CDKL5: variants seen among roughly 807,000 people sequenced by gnomAD.
CDKL5 encodes cyclin dependent kinase like 5, also known as cyclin-dependent kinase-like 5.
In CDKL5, 8 loss-of-function variants were observed where a neutral mutation model predicts 61.7. That is an observed-to-expected ratio of 0.13 (90% CI 0.08 to 0.23). CDKL5 has a LOEUF of 0.23. Among genes scored for constraint, CDKL5 ranks in the 10% least tolerant of loss-of-function variants. The pLI, the probability that CDKL5 is intolerant of heterozygous loss-of-function variation, is 1.00. For missense variants in CDKL5, 440 were observed against 734.5 expected (o/e 0.60, Z 4.63); for synonymous variants, 275 against 272.3 (o/e 1.01, Z -0.10).
intron 3 of CDKL5, among the ~76,000 whole-genome samples, chrX:18,555,367 G>A (rs1387152689): frequency 1.8e-5 from 2 of 112,135 alleles, no homozygotes; most frequent in African/African-American, 3.2e-5. Context: ...ACATGCAATA[G>A]CATATGCTAG....
chrX:18,478,126 A>T (rs1368246769), intron 1 of CDKL5, among the ~76,000 whole-genome samples: 3 of 110,244 alleles, frequency 2.7e-5, no homozygotes, highest in Admixed American at 9.7e-5. Flanking sequence ...TCAAGTTTTC[A>T]TTTATCTGGG....
chrX:18,585,867 G>A (rs1925626750), intron 8 of CDKL5, among the ~76,000 whole-genome samples: 1 of 111,562 alleles, frequency 9.0e-6, no homozygotes, highest in East Asian at 2.8e-4. Flanking sequence ...GGGACATGAG[G>A]AATTTAATTT....
At chrX:18,564,359 T>C in intron 3 of CDKL5, 118 bp from the exon 4 acceptor site, 1 of 388,841 alleles carries the variant, frequency 2.6e-6, no homozygotes, top group South Asian at 4.6e-5. Flanking sequence ...GAAGATGATA[T>C]ATTTTTAACA....
chrX:18,515,755 A>G (rs1317070805), intron 3 of CDKL5, among the ~76,000 whole-genome samples: 1 of 111,446 alleles, frequency 9.0e-6, no homozygotes, highest in African/African-American at 3.3e-5. Context: ...CACATGCTAG[A>G]CACTCTACTA....
intron 1 of CDKL5, among the ~76,000 whole-genome samples, chrX:18,463,050 A>G (rs1295210699): frequency 9.1e-6 from 1 of 110,372 alleles, no homozygotes; most frequent in East Asian, 2.9e-4. Flanking sequence ...TGAAAAAAAT[A>G]AAAGATACCG....
intron 1 of CDKL5, among the ~76,000 whole-genome samples, chrX:18,490,804 TAGC>T (rs1921970671): frequency 8.9e-6 from 1 of 112,261 alleles, no homozygotes; most frequent in Non-Finnish European, 1.9e-5. Flanking sequence ...CTTCTGAAGT[TAGC>T]AGCACAAACA....
intron 15 of CDKL5, among the ~76,000 whole-genome samples, chrX:18,614,383 AAG>A (rs781782449): frequency 6.9e-4 from 78 of 112,705 alleles, no homozygotes; most frequent in African/African-American, 2.5e-3. Context: ...GTTCGTGACT[AAG>A]AGTTTAGACT....
chrX:18,652,559 C>T (rs756149278), intron 21 of CDKL5, among the ~76,000 whole-genome samples: 1 of 111,520 alleles, frequency 9.0e-6, no homozygotes, highest in East Asian at 2.8e-4. Flanking sequence ...ATCCCAGCTA[C>T]TTGGGAGGCT....
chrX:18,441,811 C>T (rs1047680205), intron 1 of CDKL5, among the ~76,000 whole-genome samples: 18 of 111,222 alleles, frequency 1.6e-4, no homozygotes, highest in Non-Finnish European at 2.1e-4. Flanking sequence ...TCTCCCGTCC[C>T]TTTCTCAGTG....
At chrX:18,615,403 T>C (rs1010969909) in intron 15 of CDKL5, among the ~76,000 whole-genome samples, 1 of 111,937 alleles carries the variant, frequency 8.9e-6, no homozygotes, top group Non-Finnish European at 1.9e-5. Context: ...TATGGTAATA[T>C]AGTGAATTGC....
At chrX:18,447,311 A>G (rs996237103) in intron 1 of CDKL5, among the ~76,000 whole-genome samples, 2 of 111,048 alleles carry the variant, frequency 1.8e-5, no homozygotes, top group Middle Eastern at 4.7e-3. Flanking sequence ...TCTGCCCATT[A>G]TCTTATGCCT....
At chrX:18,458,789 A>G (rs1349596472) in intron 1 of CDKL5, among the ~76,000 whole-genome samples, 1 of 112,661 alleles carries the variant, frequency 8.9e-6, no homozygotes, top group Non-Finnish European at 1.9e-5. Flanking sequence ...CAGATACCCA[A>G]TAGCCACATT....
chrX:18,499,896 A>C (rs1922322678), intron 1 of CDKL5, among the ~76,000 whole-genome samples: 1 of 112,062 alleles, frequency 8.9e-6, no homozygotes, highest in African/African-American at 3.2e-5. Context: ...GGTTGATGCC[A>C]TCTTCCCTCA....
intron 3 of CDKL5, among the ~76,000 whole-genome samples, chrX:18,538,775 A>G (rs1923927549): frequency 8.9e-6 from 1 of 112,115 alleles, no homozygotes; most frequent in Non-Finnish European, 1.9e-5. Context: ...TCCCTCTTCT[A>G]GTTTCTAGAT....
intron 1 of CDKL5, among the ~76,000 whole-genome samples, chrX:18,427,805 G>A (rs1425325246): frequency 9.0e-6 from 1 of 110,553 alleles, no homozygotes; most frequent in Non-Finnish European, 1.9e-5. Context: ...ATGATTTAGG[G>A]GTTTGTGATT....
At chrX:18,578,620 TA>T (rs1277622981) in intron 5 of CDKL5, among the ~76,000 whole-genome samples, 4 of 112,562 alleles carry the variant, frequency 3.6e-5, no homozygotes, top group Non-Finnish European at 5.6e-5. Flanking sequence ...TTAACATAGA[TA>T]AGTTTGTATG....
chrX:18,557,978 A>T (rs1173008157), intron 3 of CDKL5, among the ~76,000 whole-genome samples: 1 of 107,462 alleles, frequency 9.3e-6, no homozygotes, highest in Non-Finnish European at 1.9e-5. Context: ...TCTCTTTCTG[A>T]TTTTTTTTTT....
At chrX:18,484,333 G>T (rs1354266987) in intron 1 of CDKL5, among the ~76,000 whole-genome samples, 1 of 109,651 alleles carries the variant, frequency 9.1e-6, no homozygotes, top group Non-Finnish European at 1.9e-5. Context: ...TTTTTTGGGG[G>T]GGGGACAGTC....
At chrX:18,570,622 A>C (rs1282264532) in intron 4 of CDKL5, among the ~76,000 whole-genome samples, 1 of 111,707 alleles carries the variant, frequency 9.0e-6, no homozygotes, top group African/African-American at 3.3e-5. Flanking sequence ...CTCTTTGGCT[A>C]TACAAAAATG....
Sources: gnomAD v4.1 joint callset for allele counts (sites outside exome capture counted in the v4.1 genomes callset) on GRCh38, gnomAD v4.1.1 for gene constraint, MANE v1.5 for transcripts, NCBI Gene and HGNC (gene_info 2026-07-23, HGNC 2026-07-21) for gene names.